SLC8A2: variants seen among roughly 807,000 people sequenced by gnomAD.
The protein encoded by SLC8A2 is sodium/calcium exchanger 2.
In SLC8A2, 14 loss-of-function variants were observed where a neutral mutation model predicts 70.2. The ratio of observed to expected loss-of-function variants is 0.20; its 90% confidence interval spans 0.13 to 0.31. The LOEUF (loss-of-function observed/expected upper bound fraction) is 0.31. Ranked by LOEUF, SLC8A2 falls within the 10% of genes least tolerant of loss-of-function variation. The pLI is 1.00. For synonymous variants in SLC8A2, 575 were observed against 594.3 expected (o/e 0.97, Z 0.47); for missense variants, 779 against 1,320.1 (o/e 0.59, Z 6.35).
At chr19:47,458,336 C>G (rs1599857181) in intron 2 of SLC8A2, among the ~76,000 whole-genome samples, 1 of 146,738 alleles carries the variant, frequency 6.8e-6, no homozygotes, top group African/African-American at 2.5e-5. Context: ...TCATCTCTGC[C>G]TCTCCCTGTC....
rs1967179571 is a variant in SLC8A2 at position 47,447,490 on chromosome 19, G to A, written c.1763+319C>T. Reference sequence around the variant, plus strand: ...TCATTTCACAGTCACAACCCCACCAGGCCCCGCCCACGTGGTAGACACAGC... The same window carrying A: ...TCATTTCACAGTCACAACCCCACCAAGCCCCGCCCACGTGGTAGACACAGC... On this transcript the variant is annotated intron_variant, in intron 4 of 9. Coordinates refer to ENST00000236877, the MANE Select transcript of SLC8A2 (RefSeq NM_015063.3). The surrounding 1 kb of genome is among the most constrained non-coding windows in gnomAD (Gnocchi z 5.1). The A allele has an allele frequency of 2.4e-6, 1 of 414,328 alleles. No homozygotes were observed. 25.7% of individuals were successfully genotyped at this position (414,328 alleles called of 1,614,324 possible).
chr19:47,440,980 C>T (rs1967092728), intron 6 of SLC8A2, among the ~76,000 whole-genome samples, 189 bp downstream of exon 6: 1 of 152,112 alleles, frequency 6.6e-6, no homozygotes, highest in Non-Finnish European at 1.5e-5. Context: ...AACTGTAATC[C>T]CAAACTCATA....
chr19:47,437,392 A>G, intron 8 of SLC8A2, 70 bp downstream of exon 8: 3 of 1,126,206 alleles, frequency 2.7e-6, no homozygotes, highest in Non-Finnish European at 4.0e-6. Flanking sequence ...CTCTCCATTC[A>G]TTTCTCCCCC....
rs575385133 is a variant in SLC8A2 at position 47,428,086 on chromosome 19, T to G, written c.*2003A>C. On this transcript the variant is annotated 3_prime_UTR_variant, in exon 10 of 10. Coordinates refer to ENST00000236877, the MANE Select transcript of SLC8A2 (RefSeq NM_015063.3). Reference sequence around the variant, plus strand: ...ACCCCAGCTCTTTGGCTCAGGCAAATGAACGTCTCTCTTTTGTGTTCCCAG... The same window carrying G: ...ACCCCAGCTCTTTGGCTCAGGCAAAGGAACGTCTCTCTTTTGTGTTCCCAG... 1 of 152,306 alleles carries G rather than the reference T, an allele frequency of 6.6e-6. No individual in the cohort carries two copies. Among genetic ancestry groups the G allele is most frequent in the East Asian group, 1.9e-4 (1 of 5,178 alleles). 9.4% of individuals were successfully genotyped at this position (152,306 alleles called of 1,614,324 possible).
chr19:47,459,256 G>A (rs933992509), intron 2 of SLC8A2, among the ~76,000 whole-genome samples: 1 of 151,794 alleles, frequency 6.6e-6, no homozygotes, highest in African/African-American at 2.4e-5. Flanking sequence ...CGCTCTCTGC[G>A]TGTGCTGCTG....
At chr19:47,456,841 T>A (rs1304293201) in intron 3 of SLC8A2, 89 bp downstream of exon 3, 1 of 1,263,428 alleles carries the variant, frequency 7.9e-7, no homozygotes, top group African/African-American at 1.5e-5. Flanking sequence ...CAGGAGTCAG[T>A]TGGGAGGCGA....
intron 3 of SLC8A2, among the ~76,000 whole-genome samples, chr19:47,455,119 TAGAGGAGAG>T (rs994829994): frequency 4.8e-5 from 7 of 144,606 alleles, no homozygotes; most frequent in Admixed American, 1.4e-4. Flanking sequence ...GAGGAGAGAG[TAGAGGAGAG>T]AGAGGAGAGA....
chr19:47,446,652 C>T (rs1199970645), intron 4 of SLC8A2, among the ~76,000 whole-genome samples: 3 of 152,168 alleles, frequency 2.0e-5, no homozygotes, highest in African/African-American at 7.2e-5. Flanking sequence ...CTCATGCCAT[C>T]CTCCCGCCTC....
chr19:47,456,451 G>A (rs1215087783), intron 3 of SLC8A2, among the ~76,000 whole-genome samples: 1 of 152,182 alleles, frequency 6.6e-6, no homozygotes, highest in Non-Finnish European at 1.5e-5. Flanking sequence ...ATCACTTGAG[G>A]CCAGGAGTTC....
At chr19:47,449,790 G>T (rs1967213306) in intron 3 of SLC8A2, among the ~76,000 whole-genome samples, 1 of 152,174 alleles carries the variant, frequency 6.6e-6, no homozygotes, top group Non-Finnish European at 1.5e-5. Context: ...GAGGGTGGAA[G>T]ATGACATCAC....
At position 47,448,478 on chromosome 19, in the gene SLC8A2, C is replaced by A. The variant is rs997615066; in HGVS notation, c.1341-247G>T. The stretch of plus-strand genomic sequence containing the variant: ...CTCCCCGCGTGGAACTCGTGAAGAG[C>A]AGAAGGTGGGAATTAAACAGGTAAT... On this transcript the variant is annotated intron_variant, in intron 3 of 9. Transcript: ENST00000236877. The surrounding 1 kb of genome is among the most constrained non-coding windows in gnomAD (Gnocchi z 4.8). Among the ~76,000 whole-genome samples the A allele has an allele frequency of 6.6e-6, 1 of 152,086 alleles. No homozygotes were observed. Among genetic ancestry groups the A allele is most frequent in the African/African-American group, 2.4e-5 (1 of 41,414 alleles).
chr19:47,455,632 G>A (rs1967295125), intron 3 of SLC8A2, among the ~76,000 whole-genome samples: 2 of 152,180 alleles, frequency 1.3e-5, no homozygotes, highest in Admixed American at 1.3e-4. Flanking sequence ...GTAGGCTGGT[G>A]AAAATCATTG....
chr19:47,443,355 G>A (rs915885764), intron 4 of SLC8A2, among the ~76,000 whole-genome samples: 1 of 151,726 alleles, frequency 6.6e-6, no homozygotes, highest in Non-Finnish European at 1.5e-5. Context: ...CACACCCCTC[G>A]ACCCCAAAGA....
rs1428193036 is a variant in SLC8A2, at chr19:47,457,364, G to A, written c.906C>T (p.Pro302=). The change falls in exon 3 of 10, where the codon CCC becomes CCT. Residue 302 remains proline (P), a synonymous_variant. Coordinates refer to ENST00000236877, the MANE Select transcript of SLC8A2 (RefSeq NM_015063.3). ...PGELGGLGPG[P]AEARELDASR... Reference sequence around the variant, plus strand: ...TGGCGTCCAGCTCGCGCGCCTCGGCGGGGCCCGGGCCCAGGCCGCCCAGCT... The same window carrying A: ...TGGCGTCCAGCTCGCGCGCCTCGGCAGGGCCCGGGCCCAGGCCGCCCAGCT... 2 of 1,544,350 alleles carry A rather than the reference G, an allele frequency of 1.3e-6. No individual in the cohort carries two copies. The highest frequency in any genetic ancestry group is 1.2e-5 in the South Asian group (1 of 83,048).
At chr19:47,461,065 C>G (rs150945073) in intron 2 of SLC8A2, among the ~76,000 whole-genome samples, 3,551 of 151,936 alleles carry the variant, frequency 0.023, 68 homozygotes, top group Non-Finnish European at 0.034. Context: ...TGGCAGGCGC[C>G]TGTAATCCCA....
intron 6 of SLC8A2, among the ~76,000 whole-genome samples, chr19:47,438,359 A>G (rs1386710931): frequency 1.3e-5 from 2 of 152,210 alleles, no homozygotes; most frequent in African/African-American, 2.4e-5. Context: ...TGCCTGGCAC[A>G]CAATAAATAT....
chr19:47,437,565 G>A lies in SLC8A2; in HGVS notation c.2011-4C>T. On this transcript the variant is annotated splice_polypyrimidine_tract_variant and splice_region_variant and intron_variant, in intron 7 of 9. Transcript: ENST00000236877. ...TGATGAGTTTATCCACCGTGTTCTG[G>A]GGATGAGAGGGTGGGGGAGAGGTCA... 1 of 1,606,466 alleles carries A rather than the reference G, an allele frequency of 6.2e-7. No individual in the cohort carries two copies.
At chr19:47,453,222 A>C (rs144684486) in intron 3 of SLC8A2, among the ~76,000 whole-genome samples, 238 of 152,340 alleles carry the variant, frequency 1.6e-3, no homozygotes, top group African/African-American at 5.1e-3. Flanking sequence ...ACTTAGAAAA[A>C]GAAAAAGGCT....
rs991511311 is a variant in SLC8A2 at position 47,468,313 on chromosome 19, T to C, written c.-16-1894A>G. 1.3e-5 allele frequency among the ~76,000 whole-genome samples: 2 copies of C among 152,148 alleles called. No homozygotes were observed. Among genetic ancestry groups the C allele is most frequent in the African/African-American group, 4.8e-5 (2 of 41,432 alleles). ...AACACGCTTCTCTATTTATGTATTTTTGAGACGGGATCTCACTCTGCCACC... is the reference window on the plus strand; with the variant it reads ...AACACGCTTCTCTATTTATGTATTTCTGAGACGGGATCTCACTCTGCCACC... On this transcript the variant is annotated intron_variant, in intron 1 of 9. Transcript: ENST00000236877. This position sits in a 1 kb window ranked among gnomAD's most constrained non-coding sequence, Gnocchi z 5.1.
Sources: gnomAD v4.1 joint callset for allele counts (sites outside exome capture counted in the v4.1 genomes callset) on GRCh38, gnomAD v4.1.1 for gene constraint, Gnocchi (gnomAD v3.1) non-coding constraint, MANE v1.5 for transcripts, NCBI Gene and HGNC (gene_info 2026-07-23, HGNC 2026-07-21) for gene names.